Variants in LRRC4C observed in about 807,000 individuals in gnomAD.
LRRC4C encodes the protein leucine rich repeat containing 4C, also known as leucine-rich repeat-containing protein 4C.
Under a neutral mutation model 33.6 loss-of-function variants are expected in LRRC4C, and 5 were observed. The ratio of observed to expected loss-of-function variants is 0.15; its 90% CI spans 0.08 to 0.31. LRRC4C has a LOEUF of 0.31. Among genes scored for constraint, LRRC4C ranks in the 10% least tolerant of loss-of-function variants. The probability of loss-of-function intolerance (pLI) is 1.00; values close to 1 mark genes in which losing one functional copy is unlikely to be tolerated. For synonymous variants in LRRC4C, 329 were observed against 302.0 expected (o/e 1.09, Z -0.93); for missense variants, 560 against 796.7 (o/e 0.70, Z 3.58).
intron 5 of LRRC4C, among the ~76,000 whole-genome samples, chr11:40,227,380 C>T (rs1864881833): frequency 6.6e-6 from 1 of 152,112 alleles, no homozygotes; most frequent in Non-Finnish European, 1.5e-5. Flanking sequence ...TTTAGCCTAC[C>T]TGTATCTCTA....
At chr11:40,217,655 G>A (rs933875532) in intron 5 of LRRC4C, among the ~76,000 whole-genome samples, 46 of 152,138 alleles carry the variant, frequency 3.0e-4, no homozygotes, top group African/African-American at 1.1e-3. Context: ...CTTCATCATT[G>A]TATTATTCAG....
chr11:41,168,940 C>T (rs1944850306), intron 1 of LRRC4C, among the ~76,000 whole-genome samples: 1 of 152,130 alleles, frequency 6.6e-6, no homozygotes, highest in Non-Finnish European at 1.5e-5. Context: ...TGCCCCATGC[C>T]AGGAGATTTA....
intron 1 of LRRC4C, among the ~76,000 whole-genome samples, chr11:41,393,440 T>C (rs532533385): frequency 6.6e-6 from 1 of 151,702 alleles, no homozygotes; most frequent in East Asian, 2.0e-4. Flanking sequence ...CTGATCCATG[T>C]GCAATGTCTC....
At chr11:41,089,087 A>T (rs1449515962) in intron 1 of LRRC4C, among the ~76,000 whole-genome samples, 2 of 151,974 alleles carry the variant, frequency 1.3e-5, no homozygotes, top group Admixed American at 1.3e-4. Context: ...TTTCTAGTAG[A>T]ATGTATTATA....
rs973638820 is a variant in LRRC4C, at chr11:41,168,010, G to A, written c.-495-234287C>T. Among the ~76,000 whole-genome samples, 9 of 152,086 alleles carry A rather than the reference G, an allele frequency of 5.9e-5. 1 individual carries two copies. The East Asian group carries it at 1.5e-3, about 26-fold the overall frequency. On this transcript the variant is annotated intron_variant, in intron 1 of 6. Transcript: ENST00000528697. ...TGGCCCAGACAGACATAGACATCAG[G>A]GCAGCATGGTTCTGTTATTGTTTGA...
intron 2 of LRRC4C, among the ~76,000 whole-genome samples, chr11:40,819,525 G>T (rs1951838533): frequency 1.3e-5 from 2 of 152,256 alleles, no homozygotes; most frequent in South Asian, 4.1e-4. Context: ...GTTGTTAGTA[G>T]AAATTACAAT....
chr11:41,440,271 T>C (rs1955571879), intron 1 of LRRC4C, among the ~76,000 whole-genome samples: 1 of 152,060 alleles, frequency 6.6e-6, no homozygotes, highest in Non-Finnish European at 1.5e-5. Flanking sequence ...AAAAGGAGTT[T>C]GTCTGTCCAC....
intron 1 of LRRC4C, among the ~76,000 whole-genome samples, chr11:41,094,342 G>A (rs1044999831): frequency 1.3e-5 from 2 of 151,674 alleles, no homozygotes; most frequent in South Asian, 2.1e-4. Flanking sequence ...TGGCTAACAC[G>A]GTGAAACCCC....
At chr11:40,608,638 G>GA (rs1960882241) in intron 3 of LRRC4C, among the ~76,000 whole-genome samples, 1 of 151,888 alleles carries the variant, frequency 6.6e-6, no homozygotes, top group Non-Finnish European at 1.5e-5. Flanking sequence ...AAAAGTAAAG[G>GA]AAAAAATAAG....
chr11:40,893,514 A>G (rs942902811), intron 2 of LRRC4C, among the ~76,000 whole-genome samples: 1 of 152,126 alleles, frequency 6.6e-6, no homozygotes, highest in African/African-American at 2.4e-5. Context: ...CATTATATTT[A>G]TGTGTATAGA....
At chr11:40,200,845 G>A (rs1261132976) in intron 5 of LRRC4C, among the ~76,000 whole-genome samples, 6 of 148,188 alleles carry the variant, frequency 4.0e-5, no homozygotes, top group Admixed American at 1.3e-4. Context: ...ATTTTGATAA[G>A]CCTGAATCAA....
intron 1 of LRRC4C, among the ~76,000 whole-genome samples, chr11:41,087,461 T>C (rs1940088179): frequency 6.6e-6 from 1 of 152,166 alleles, no homozygotes; most frequent in South Asian, 2.1e-4. Context: ...TTCTCCTTCA[T>C]CATCTTCATT....
chr11:40,516,709 C>G (rs1468785143), intron 3 of LRRC4C, among the ~76,000 whole-genome samples: 1 of 152,012 alleles, frequency 6.6e-6, no homozygotes, highest in African/African-American at 2.4e-5. Context: ...TCTGAGAATC[C>G]AACCCAATTT....
At chr11:40,303,809 G>A (rs2136685779) in intron 4 of LRRC4C, among the ~76,000 whole-genome samples, 1 of 152,266 alleles carries the variant, frequency 6.6e-6, no homozygotes, top group East Asian at 1.9e-4. Flanking sequence ...GCCTTTGAGA[G>A]ACCTTTGGGC....
chr11:40,689,040 AT>A (rs979838229), intron 2 of LRRC4C, among the ~76,000 whole-genome samples: 13 of 150,412 alleles, frequency 8.6e-5, no homozygotes, highest in African/African-American at 1.9e-4. Context: ...AAACACTATT[AT>A]TTTTTTTTTC....
At chr11:41,166,467 T>A (rs752902023) in intron 1 of LRRC4C, among the ~76,000 whole-genome samples, 2 of 152,194 alleles carry the variant, frequency 1.3e-5, no homozygotes, top group Non-Finnish European at 2.9e-5. Flanking sequence ...GCCCAAGGCA[T>A]GTGGAATTAT....
In LRRC4C at chr11:40,769,615, C is replaced by T. The variant is rs966213092; in HGVS notation, c.-406-121337G>A. Among the ~76,000 whole-genome samples the T allele has an allele frequency of 4.6e-5, 7 of 152,180 alleles. No individual in the cohort carries two copies. In the East Asian group the frequency reaches 9.7e-4, roughly 21 times the overall value. On this transcript the variant is annotated intron_variant, in intron 2 of 6. Transcript: ENST00000528697. The stretch of plus-strand genomic sequence containing the variant: ...CTATTGTAACCAAAGCAGTATGTTA[C>T]CTGCATAAAAACAGATACATAGACC...
intron 3 of LRRC4C, among the ~76,000 whole-genome samples, chr11:40,429,487 T>G (rs1333870987): frequency 6.6e-6 from 1 of 151,976 alleles, no homozygotes. Context: ...TCTTTTAGAC[T>G]AAGAACTCCT....
At chr11:41,384,717 A>G (rs575275354) in intron 1 of LRRC4C, among the ~76,000 whole-genome samples, 3 of 151,108 alleles carry the variant, frequency 2.0e-5, no homozygotes, top group Admixed American at 6.6e-5. Flanking sequence ...GGTTGATTCA[A>G]AAGCCCCTAG....
Sources: gnomAD v4.1 joint callset for allele counts (sites outside exome capture counted in the v4.1 genomes callset) on GRCh38, gnomAD v4.1.1 for gene constraint, MANE v1.5 for transcripts, NCBI Gene and HGNC (gene_info 2026-07-23, HGNC 2026-07-21) for gene names.